TSPAN14: variants seen among roughly 807,000 people sequenced by gnomAD.
The protein encoded by TSPAN14 is tetraspanin 14.
In TSPAN14, 16 loss-of-function variants were observed where a neutral mutation model predicts 36.6. The observed-to-expected ratio is 0.44, with a 90% CI of 0.30 to 0.66. The LOEUF (loss-of-function observed/expected upper bound fraction) is 0.66. TSPAN14 is among the 30% of genes least tolerant of loss of function. The pLI, the probability that TSPAN14 is intolerant of heterozygous loss-of-function variation, is 0.12. For missense variants in TSPAN14, 231 were observed against 355.1 expected (o/e 0.65, Z 2.81); for synonymous variants, 139 against 143.8 (o/e 0.97, Z 0.24).
At chr10:80,520,340 AGTT>A in exon 9 of TSPAN14, 1 of 351,166 alleles carries the variant, frequency 2.8e-6, no homozygotes, top group Non-Finnish European at 5.6e-6. Context: ...GACTCTGAAT[AGTT>A]GGATGAGGAA....
intron 1 of TSPAN14, among the ~76,000 whole-genome samples, chr10:80,464,112 T>C (rs1564709150): frequency 1.3e-5 from 2 of 152,106 alleles, no homozygotes; most frequent in African/African-American, 4.8e-5. Flanking sequence ...AGGACCTATG[T>C]GGGGTGTGAA....
At chr10:80,455,559 A>G (rs955836339) in intron 1 of TSPAN14, among the ~76,000 whole-genome samples, 6 of 152,122 alleles carry the variant, frequency 3.9e-5, no homozygotes, top group African/African-American at 1.4e-4. Flanking sequence ...GTCCAGAAGC[A>G]GTTAGTGCCT....
At chr10:80,461,850 C>G (rs1280888533) in intron 1 of TSPAN14, among the ~76,000 whole-genome samples, 1 of 151,694 alleles carries the variant, frequency 6.6e-6, no homozygotes, top group East Asian at 1.9e-4. Context: ...CCGAGAGGAG[C>G]AGAAAGAGAT....
At chr10:80,462,401 A>G (rs985196654) in intron 1 of TSPAN14, among the ~76,000 whole-genome samples, 3 of 147,780 alleles carry the variant, frequency 2.0e-5, no homozygotes, top group African/African-American at 8.0e-5. Context: ...GTTATTCTAC[A>G]TAGATAGAGT....
At chr10:80,520,959 C>T (rs1167442477) in exon 9 of TSPAN14, 1 of 434,314 alleles carries the variant, frequency 2.3e-6, no homozygotes, top group Admixed American at 2.6e-5. Flanking sequence ...CCGGGGAATC[C>T]CACTACCCAC....
chr10:80,485,696 A>T (rs1166904754), intron 1 of TSPAN14: 1 of 985,284 alleles, frequency 1.0e-6, no homozygotes, highest in African/African-American at 1.7e-5. Context: ...AGAGGGACAG[A>T]TTGAGAGGTG....
chr10:80,516,354 G>A, intron 8 of TSPAN14, 31 bp downstream of exon 8: 3 of 1,613,154 alleles, frequency 1.9e-6, no homozygotes, highest in African/African-American at 1.3e-5. Context: ...GGATTGGCAG[G>A]TGGCCTTTTT....
intron 8 of TSPAN14, 69 bp from the exon 9 acceptor site, chr10:80,517,836 C>T: frequency 6.8e-7 from 1 of 1,475,708 alleles, no homozygotes; most frequent in Non-Finnish European, 9.3e-7. Flanking sequence ...CCCAACCCCA[C>T]CCTCCGCTCC....
In TSPAN14 at chr10:80,516,200, G is replaced by T; in HGVS notation, c.622-4G>T. The T allele has an allele frequency of 1.9e-6, 3 of 1,614,226 alleles. No homozygotes were observed. The highest frequency in any genetic ancestry group is 2.5e-6 in the Non-Finnish European group (3 of 1,180,028). On this transcript the variant is annotated splice_region_variant and splice_polypyrimidine_tract_variant and intron_variant, in intron 7 of 8. Coordinates refer to ENST00000429989, the Ensembl canonical transcript of TSPAN14. ...GCTCAGACCCCTGTGGTGTTTTCCTGCAGCTGAAGAGCAAGTGGGATGAGT... is the reference window on the plus strand; with the variant it reads ...GCTCAGACCCCTGTGGTGTTTTCCTTCAGCTGAAGAGCAAGTGGGATGAGT...
At chr10:80,485,702 AGG>A (rs1385880174) in intron 1 of TSPAN14, 3 of 985,258 alleles carry the variant, frequency 3.0e-6, no homozygotes, top group East Asian at 2.3e-4. Flanking sequence ...ACAGATTGAG[AGG>A]TGCCTTCCCT....
chr10:80,465,414 A>C (rs1169288849), intron 1 of TSPAN14, among the ~76,000 whole-genome samples: 1 of 152,092 alleles, frequency 6.6e-6, no homozygotes. Flanking sequence ...CGGGCTCTTG[A>C]ATCTCAGGCT....
intron 1 of TSPAN14, among the ~76,000 whole-genome samples, chr10:80,475,700 C>T (rs969736650): frequency 9.9e-5 from 15 of 152,132 alleles, no homozygotes; most frequent in Non-Finnish European, 1.8e-4. Flanking sequence ...CAGTTCTCTG[C>T]CTCAGCCTCC....
intron 7 of TSPAN14, 48 bp from the exon 8 acceptor site, chr10:80,516,156 G>GA: frequency 2.5e-6 from 4 of 1,613,438 alleles, no homozygotes; most frequent in Non-Finnish European, 3.4e-6. Flanking sequence ...ATCAGGTGGG[G>GA]ACATCGTGTG....
intron 1 of TSPAN14, among the ~76,000 whole-genome samples, chr10:80,475,425 G>A (rs1010071222): frequency 3.0e-4 from 46 of 152,218 alleles, no homozygotes; most frequent in African/African-American, 1.1e-3. Flanking sequence ...AATTAACTTC[G>A]TGTGGTGGTA....
intron 1 of TSPAN14, 123 bp from the exon 2 acceptor site, chr10:80,489,094 T>C (rs1233510418): frequency 1.1e-5 from 7 of 654,018 alleles, no homozygotes; most frequent in Non-Finnish European, 1.9e-5. Flanking sequence ...GGCCTCTGCT[T>C]GGACCAGTAA....
chr10:80,498,524 T>A (rs1197806724), intron 2 of TSPAN14, among the ~76,000 whole-genome samples: 1 of 152,166 alleles, frequency 6.6e-6, no homozygotes, highest in East Asian at 1.9e-4. Flanking sequence ...CACTGTTGTC[T>A]CCAGAAGCCC....
At position 80,509,174 on chromosome 10, in the gene TSPAN14, T is replaced by TG; in HGVS notation, c.280-126dup. On this transcript the variant is annotated intron_variant, in intron 4 of 8. Transcript: ENST00000429989. This position sits in a 1 kb window ranked among gnomAD's most constrained non-coding sequence, Gnocchi z 4.7. ...TAAGTGTGGGGTTCTGGGGCCCCGA[T>TG]GTGGGACTCTCAGGTGCAGAGCCCA... is the stretch of plus-strand genomic sequence containing the variant. The TG allele has an allele frequency of 9.9e-7, 1 of 1,011,538 alleles. No individual in the cohort carries two copies. The highest frequency in any genetic ancestry group is 1.4e-6 in the Non-Finnish European group (1 of 693,112). The allele number at this position is 1,011,538 out of a possible 1,614,324, so 62.7% of individuals were successfully genotyped here. A position where few individuals can be genotyped will look rare whatever the true frequency, so the allele number is the denominator to read the frequency against.
intron 2 of TSPAN14, among the ~76,000 whole-genome samples, chr10:80,501,383 C>T (rs1052983032): frequency 6.6e-6 from 1 of 151,860 alleles, no homozygotes; most frequent in Non-Finnish European, 1.5e-5. Context: ...GCCTCAGCCT[C>T]CCAAATTGCT....
intron 1 of TSPAN14, among the ~76,000 whole-genome samples, chr10:80,457,766 C>T (rs1394440661): frequency 6.6e-6 from 1 of 152,240 alleles, no homozygotes; most frequent in African/African-American, 2.4e-5. Context: ...TGGGGAGTCA[C>T]TGCTTGTGTC....
Sources: allele counts gnomAD v4.1 joint callset (sites outside exome capture counted in the v4.1 genomes callset), GRCh38; gene constraint gnomAD v4.1.1; non-coding constraint Gnocchi (gnomAD v3.1); transcripts MANE v1.5; gene names NCBI Gene and HGNC (gene_info 2026-07-23, HGNC 2026-07-21).